Variants in FOLR1 observed in about 807,000 individuals in gnomAD.
FOLR1 encodes folate receptor alpha, also known as KB cells FBP.
In FOLR1, 11 loss-of-function variants were observed where a neutral mutation model predicts 22.8. That is an observed-to-expected ratio of 0.48 (90% CI 0.30 to 0.80). FOLR1 has a LOEUF of 0.80. Ranked by LOEUF, FOLR1 falls within the 30% of genes least tolerant of loss-of-function variation. The pLI is 0.06. For missense variants in FOLR1, 273 were observed against 320.3 expected, an observed-to-expected ratio of 0.85 and a Z score of 1.13; for synonymous variants, 108 against 116.5, an observed-to-expected ratio of 0.93 and a Z score of 0.47.
At chr11:72,191,754 T>G (rs1210925105), upstream of FOLR1, among the ~76,000 whole-genome samples, 1 of 152,226 alleles carries the variant, frequency 6.6e-6, no homozygotes, top group Non-Finnish European at 1.5e-5. Context: ...TTTATCCCAC[T>G]AGTGTAACTG....
intron 1 of FOLR1, 23 bp downstream of exon 1, chr11:72,192,364 GTGGTGAGGGAC>G: frequency 6.2e-7 from 1 of 1,613,498 alleles, no homozygotes; most frequent in Non-Finnish European, 8.5e-7. Context: ...GTGATCTGGG[GTGGTGAGGGAC>G]TGGCTCAGGA....
upstream of FOLR1, chr11:72,190,464 A>G (rs1441737997): frequency 1.3e-5 from 2 of 152,150 alleles, no homozygotes; most frequent in Non-Finnish European, 2.9e-5. Flanking sequence ...AAGCCTCAAG[A>G]TAGTTTGCTT....
chr11:72,192,387 G>A lies in FOLR1; in HGVS notation c.168+46G>A, dbSNP rs77405781. 49 of 1,605,002 alleles carry A rather than the reference G, an allele frequency of 3.1e-5. No homozygotes were observed. The South Asian group carries it at 3.7e-4, about 12-fold the overall frequency. On this transcript the variant is annotated intron_variant, in intron 1 of 3. Coordinates refer to ENST00000393676, the MANE Select transcript of FOLR1 (RefSeq NM_016729.3). ...GGGTGGTGAGGGACTGGCTCAGGAAGAGGAAACGAGGACATGGAAATGCCA... is the reference window on the plus strand; with the variant it reads ...GGGTGGTGAGGGACTGGCTCAGGAAAAGGAAACGAGGACATGGAAATGCCA...
intron 1 of FOLR1, 79 bp from the exon 2 acceptor site, chr11:72,195,192 G>A (rs778290142): frequency 4.1e-5 from 55 of 1,348,976 alleles, no homozygotes; most frequent in Middle Eastern, 4.6e-4. Context: ...GACTAAGAGG[G>A]GAGACACTGC....
Position 72,195,924 on chromosome 11 carries a change from C to T in FOLR1, c.521C>T (p.Ala174Val). 1 of 1,614,218 alleles carries T rather than the reference C, an allele frequency of 6.2e-7. No individual in the cohort carries two copies. The highest frequency in any genetic ancestry group is 1.1e-5 in the South Asian group (1 of 91,090). ...SGFNKCAVGA[A>V]CQPFHFYFPT... ...TTTAACAAGTGCGCAGTGGGAGCTG[C>T]CTGCCAACCTTTCCATTTCTACTTC... is the stretch of plus-strand genomic sequence containing the variant. Residue 174 changes from alanine (A) to valine (V), a missense_variant, in exon 4 of 4, where the codon GCC becomes GTC. By Grantham distance (64) the Ala-to-Val change is moderately conservative. Coordinates refer to ENST00000393676, the MANE Select transcript of FOLR1 (RefSeq NM_016729.3).
intron 1 of FOLR1, among the ~76,000 whole-genome samples, chr11:72,194,653 C>T (rs1448806954): frequency 6.6e-6 from 1 of 152,148 alleles, no homozygotes; most frequent in Non-Finnish European, 1.5e-5. Flanking sequence ...CCCGCCTCGG[C>T]CTCCCAAAAT....
upstream of FOLR1, among the ~76,000 whole-genome samples, chr11:72,191,290 G>C (rs1204527347): frequency 6.6e-6 from 1 of 152,082 alleles, no homozygotes; most frequent in Admixed American, 6.6e-5. Flanking sequence ...AAAGGGGCTG[G>C]GACCAAGGTT....
In FOLR1 at chr11:72,195,311, C is replaced by T; in HGVS notation, c.209C>T (p.Thr70Ile). The T allele has an allele frequency of 1.9e-6, 3 of 1,614,042 alleles. No homozygotes were observed. Among genetic ancestry groups the T allele is most frequent in the Non-Finnish European group, 2.5e-6 (3 of 1,180,016 alleles). The part of the protein sequence containing the change: ...WRKNACCSTN[T>I]SQEAHKDVSY... ...AAGAATGCCTGCTGTTCTACCAACA[C>T]CAGCCAGGAAGCCCATAAGGATGTT... The change falls in exon 2 of 4, where the codon ACC becomes ATC. Residue 70 changes from threonine (T) to isoleucine (I), a missense_variant. Transcript: ENST00000393676.
At chr11:72,192,765 C>CTT (rs568572656) in intron 1 of FOLR1, among the ~76,000 whole-genome samples, 4 of 146,820 alleles carry the variant, frequency 2.7e-5, no homozygotes, top group Admixed American at 6.8e-5. Flanking sequence ...GCAAAGCATT[C>CTT]TTTTTTTTTT....
chr11:72,195,597 A>G lies in FOLR1; in HGVS notation c.358-15A>G. ...TCTTGAACCTGAGCCCTTCTTTTGT[A>G]TCAAAATCACCCAGGTGGATCAGAG... On this transcript the variant is annotated splice_polypyrimidine_tract_variant and intron_variant, in intron 2 of 3. Coordinates refer to ENST00000393676, the MANE Select transcript of FOLR1 (RefSeq NM_016729.3). 1.2e-6 allele frequency: 2 copies of G among 1,614,184 alleles called. No individual in the cohort carries two copies. Among genetic ancestry groups the G allele is most frequent in the Non-Finnish European group, 1.7e-6 (2 of 1,180,028 alleles).
Position 72,192,233 on chromosome 11 carries a change from G to C in FOLR1, c.60G>C (p.Gly20=). ...LLLLVWVAVV[G]EAQTRIAWAR... ...TTCTAGTGTGGGTGGCTGTAGTAGGGGAGGCTCAGACAAGGATTGCATGGG... is the reference window on the plus strand; with the variant it reads ...TTCTAGTGTGGGTGGCTGTAGTAGGCGAGGCTCAGACAAGGATTGCATGGG... Residue 20 remains glycine, a synonymous_variant, in exon 1 of 4, where the codon GGG becomes GGC. Coordinates refer to ENST00000393676, the MANE Select transcript of FOLR1 (RefSeq NM_016729.3). 1.2e-6 allele frequency: 2 copies of C among 1,614,148 alleles called. No homozygotes were observed. Among genetic ancestry groups the C allele is most frequent in the Non-Finnish European group, 1.7e-6 (2 of 1,180,024 alleles).
chr11:72,193,751 C>T (rs1423325916), intron 1 of FOLR1, among the ~76,000 whole-genome samples: 8 of 151,002 alleles, frequency 5.3e-5, no homozygotes, highest in African/African-American at 9.7e-5. Flanking sequence ...TGAGCCACTG[C>T]GCCCGGCCTT....
chr11:72,195,444 G>A lies in FOLR1; in HGVS notation c.342G>A (p.Gly114=), dbSNP rs1430714825. The A allele has an allele frequency of 1.3e-5, 21 of 1,614,104 alleles. No homozygotes were observed. The highest frequency in any genetic ancestry group is 1.7e-5 in the Non-Finnish European group (20 of 1,180,046). Reference sequence around the variant, plus strand: ...TCTACGAGTGCTCCCCCAACTTGGGGCCCTGGATCCAGCAGGTATGCATGG... The same window carrying A: ...TCTACGAGTGCTCCCCCAACTTGGGACCCTGGATCCAGCAGGTATGCATGG... ...TCLYECSPNL[G]PWIQQVDQSW... is the part of the protein sequence containing the mutation. The change falls in exon 2 of 4, where the codon GGG becomes GGA. Residue 114 remains glycine (G), a synonymous_variant. Coordinates refer to ENST00000393676, the MANE Select transcript of FOLR1 (RefSeq NM_016729.3).
Position 72,192,352 on chromosome 11 carries a change from G to A in FOLR1, c.168+11G>A, listed in dbSNP as rs1313443369. 6.2e-7 allele frequency: 1 copy of A among 1,613,734 alleles called. No homozygotes were observed. The highest frequency in any genetic ancestry group is 1.7e-5 in the Admixed American group (1 of 60,018). ...AAGTTGCATGAGCAGGTGGGCCAGG[G>A]GGTGATCTGGGGTGGTGAGGGACTG... On this transcript the variant is annotated intron_variant, in intron 1 of 3. Transcript: ENST00000393676.
chr11:72,194,662 A>G (rs71477716), intron 1 of FOLR1, among the ~76,000 whole-genome samples: 16,788 of 150,608 alleles, frequency 0.11, 1,037 homozygotes, highest in East Asian at 0.24. Context: ...GCCTCCCAAA[A>G]TGCTGGGATT....
At chr11:72,195,856 T>C (rs1368058210) in intron 3 of FOLR1, 41 bp from the exon 4 acceptor site, 1 of 1,614,132 alleles carries the variant, frequency 6.2e-7, no homozygotes, top group East Asian at 2.2e-5. Context: ...CTCAAGATAG[T>C]TCCGGGCCCA....
intron 1 of FOLR1, among the ~76,000 whole-genome samples, chr11:72,192,606 TC>T (rs1565364164): frequency 6.6e-6 from 1 of 152,134 alleles, no homozygotes; most frequent in East Asian, 1.9e-4. Flanking sequence ...GAGTGACCCA[TC>T]CTGGGGTTGC....
chr11:72,190,069 C>T (rs1477538624), upstream of FOLR1: 3 of 152,286 alleles, frequency 2.0e-5, no homozygotes, highest in Non-Finnish European at 4.4e-5. Flanking sequence ...CACAGCTGGA[C>T]TAAGACCTGA....
intron 2 of FOLR1, 24 bp downstream of exon 2, chr11:72,195,483 C>A: frequency 6.2e-7 from 1 of 1,613,890 alleles, no homozygotes; most frequent in Non-Finnish European, 8.5e-7. Flanking sequence ...CCTGCAGGTA[C>A]AAGACCTAGC....
Sources: gnomAD v4.1 joint callset for allele counts (sites outside exome capture counted in the v4.1 genomes callset) on GRCh38, gnomAD v4.1.1 for gene constraint, MANE v1.5 for transcripts, NCBI Gene and HGNC (gene_info 2026-07-23, HGNC 2026-07-21) for gene names.